Variants in TENM2 observed in about 807,000 individuals in gnomAD.
The protein encoded by TENM2 is teneurin-2.
TENM2 carries 52 observed loss-of-function variants against 245.2 expected under a neutral mutation model. The ratio of observed to expected loss-of-function variants is 0.21; its 90% CI spans 0.17 to 0.27. The LOEUF (loss-of-function observed/expected upper bound fraction) is 0.27. Among genes scored for constraint, TENM2 ranks in the 10% least tolerant of loss-of-function variants. The probability of loss-of-function intolerance (pLI) is 1.00; values close to 1 mark genes in which losing one functional copy is unlikely to be tolerated. For synonymous variants in TENM2, 1,363 were observed against 1,438.9 expected, an observed-to-expected ratio of 0.95 and a Z score of 1.19; for missense variants, 3,046 against 3,666.8, an observed-to-expected ratio of 0.83 and a Z score of 4.37.
chr5:167,099,357 A>G, the TENM2 span, among the ~76,000 whole-genome samples: 1 of 152,332 alleles, frequency 6.6e-6, no homozygotes, highest in East Asian at 1.9e-4. Context: ...TTGGCTAATA[A>G]GAATAATAAT....
At position 167,974,017 on chromosome 5, in the gene TENM2, G is replaced by GAGGA. The variant is rs1470297346; in HGVS notation, c.948-18924_948-18923insAAGG. On this transcript the variant is annotated intron_variant, in intron 4 of 28. Coordinates refer to ENST00000518659, the Ensembl canonical transcript of TENM2. ...GAAGGGAGAAAGGGAGGGAGGGAGGGAGGGAGGAAGGAAGGAAGGAGAAGG... is the reference window on the plus strand; with the variant it reads ...GAAGGGAGAAAGGGAGGGAGGGAGGGAGGAAGGGAGGAAGGAAGGAAGGAGAAGG... 2.6e-5 allele frequency among the ~76,000 whole-genome samples: 2 copies of GAGGA among 75,850 alleles called. 1 individual carries two copies. The highest frequency in any genetic ancestry group is 4.3e-5 in the Non-Finnish European group (2 of 46,508). The allele number at this position is 75,850 out of a possible 152,430, so 49.8% of individuals were successfully genotyped here.
intron 2 of TENM2, among the ~76,000 whole-genome samples, chr5:167,453,118 A>G (rs1765712071): frequency 6.6e-6 from 1 of 151,222 alleles, no homozygotes; most frequent in Non-Finnish European, 1.5e-5. Flanking sequence ...AGAAATAGAA[A>G]ACAGCCCAGA....
chr5:167,304,514 T>C (rs971502600), intron 1 of TENM2, among the ~76,000 whole-genome samples: 1 of 152,208 alleles, frequency 6.6e-6, no homozygotes, highest in African/African-American at 2.4e-5. Context: ...AGTGCAGGAC[T>C]TCTTGGGAAA....
chr5:168,139,515 C>A (rs530338125), intron 12 of TENM2: 6 of 456,454 alleles, frequency 1.3e-5, no homozygotes, highest in South Asian at 7.7e-5. Context: ...GTGAGAGAAA[C>A]CAGTTCTCTT....
chr5:167,152,931 G>GAACCTCAGATAAGGGGGAC, the TENM2 span, among the ~76,000 whole-genome samples: 1 of 152,174 alleles, frequency 6.6e-6, no homozygotes. Context: ...ATGGGAAGTA[G>GAACCTCAGATAAGGGGGAC]AACCTCAGAT....
the TENM2 span, among the ~76,000 whole-genome samples, chr5:167,216,119 C>T: frequency 1.4e-4 from 22 of 152,122 alleles, no homozygotes; most frequent in Non-Finnish European, 2.2e-4. Context: ...AACAGAGGTT[C>T]AGTCGCTTGC....
At chr5:166,987,422 T>G in the TENM2 span, among the ~76,000 whole-genome samples, 947 of 34,558 alleles carry the variant, frequency 0.027, 6 homozygotes, top group Middle Eastern at 0.17. Context: ...TTAGTAAGGG[T>G]GTGTGTGTGT....
intron 3 of TENM2, among the ~76,000 whole-genome samples, chr5:167,925,961 A>G (rs989876365): frequency 1.2e-4 from 19 of 152,148 alleles, no homozygotes; most frequent in Non-Finnish European, 2.6e-4. Flanking sequence ...TTGAGGGAAT[A>G]GGGTGGGAGG....
At chr5:167,819,085 CGT>C (rs34629481) in intron 2 of TENM2, among the ~76,000 whole-genome samples, 3 of 146,600 alleles carry the variant, frequency 2.0e-5, no homozygotes, top group East Asian at 3.9e-4. Context: ...TGTGTGTGTG[CGT>C]GCGCGTTCTC....
At chr5:167,617,296 G>C (rs1777855309) in intron 2 of TENM2, among the ~76,000 whole-genome samples, 1 of 152,124 alleles carries the variant, frequency 6.6e-6, no homozygotes, top group Non-Finnish European at 1.5e-5. Context: ...TTCCAGTAAA[G>C]TCTGTGGTTT....
chr5:167,097,191 G>A, the TENM2 span, among the ~76,000 whole-genome samples: 7 of 152,050 alleles, frequency 4.6e-5, no homozygotes, highest in African/African-American at 1.4e-4. Context: ...GTAATGGATC[G>A]GCAGGATTTG....
the TENM2 span, among the ~76,000 whole-genome samples, chr5:166,999,314 C>A: frequency 3.3e-5 from 5 of 152,118 alleles, no homozygotes; most frequent in Non-Finnish European, 7.4e-5. Context: ...AAAAGTATGA[C>A]CTCCAGGGTT....
At chr5:167,229,526 G>A in the TENM2 span, among the ~76,000 whole-genome samples, 1 of 152,342 alleles carries the variant, frequency 6.6e-6, no homozygotes, top group Non-Finnish European at 1.5e-5. Flanking sequence ...TAATGGCTGA[G>A]GAGGATTGAG....
chr5:167,702,716 G>T (rs1005492165), intron 2 of TENM2, among the ~76,000 whole-genome samples: 1 of 151,980 alleles, frequency 6.6e-6, no homozygotes, highest in African/African-American at 2.4e-5. Flanking sequence ...TCAGGCTGGA[G>T]TGCAATGGTA....
In TENM2 at chr5:168,158,846, TATATAC is replaced by T. The variant is rs1442495251; in HGVS notation, c.2423-3763_2423-3758del. Among the ~76,000 whole-genome samples the T allele has an allele frequency of 1.0e-4, 9 of 85,716 alleles. 1 individual carries two copies. In the South Asian group the frequency reaches 1.2e-3, roughly 12 times the overall value. 56.2% of individuals were successfully genotyped at this position (85,716 alleles called of 152,430 possible). On this transcript the variant is annotated intron_variant, in intron 12 of 28. Transcript: ENST00000518659. ...GTGTGTGTGTATATATATATATATATATATACACACACACACACACACATATATATG... is the reference window on the plus strand; with the variant it reads ...GTGTGTGTGTATATATATATATATATACACACACACACACACATATATATG...
chr5:167,747,003 T>A (rs1448938276), intron 2 of TENM2, among the ~76,000 whole-genome samples: 2 of 152,174 alleles, frequency 1.3e-5, no homozygotes, highest in African/African-American at 4.8e-5. Flanking sequence ...TACAGTTTCA[T>A]GTAGAAGATG....
the TENM2 span, among the ~76,000 whole-genome samples, chr5:167,126,788 A>G: frequency 6.6e-6 from 1 of 152,176 alleles, no homozygotes. Context: ...TTAAATTGCA[A>G]TTGTACAGTT....
intron 2 of TENM2, among the ~76,000 whole-genome samples, chr5:167,667,492 C>A (rs1448516160): frequency 6.6e-6 from 1 of 152,160 alleles, no homozygotes; most frequent in Non-Finnish European, 1.5e-5. Flanking sequence ...GTCAATCAAC[C>A]AAGTGCATGG....
intron 2 of TENM2, among the ~76,000 whole-genome samples, chr5:167,823,572 G>C (rs900658540): frequency 1.3e-5 from 2 of 152,118 alleles, no homozygotes; most frequent in Admixed American, 1.3e-4. Flanking sequence ...ACAGGAGTGC[G>C]AATGGCTCTC....
Sources: allele counts gnomAD v4.1 joint callset (sites outside exome capture counted in the v4.1 genomes callset), GRCh38; gene constraint gnomAD v4.1.1; transcripts MANE v1.5; gene names NCBI Gene and HGNC (gene_info 2026-07-23, HGNC 2026-07-21).